The following SPTBN1 variants were observed in gnomAD, a reference collection of about 807,000 sequenced individuals.
The protein encoded by SPTBN1 is spectrin beta, non-erythrocytic 1.
SPTBN1 carries 32 observed loss-of-function variants against 266.4 expected under a neutral mutation model. That is an observed-to-expected ratio of 0.12 (90% CI 0.09 to 0.16). The LOEUF (loss-of-function observed/expected upper bound fraction) is 0.16, where lower values mean the gene tolerates loss of function less well. SPTBN1 is among the 10% of genes least tolerant of loss of function. The probability of loss-of-function intolerance (pLI) is 1.00; values close to 1 mark genes in which losing one functional copy is unlikely to be tolerated. For synonymous variants in SPTBN1, 1,336 were observed against 1,162.2 expected (o/e 1.15, Z -3.04); for missense variants, 2,296 against 3,067.1 (o/e 0.75, Z 5.94).
rs1413179448 is a variant in SPTBN1, at chr2:54,558,504, C to G, written c.148+31938C>G. ...ACCTGCGCCTCCTCTCTGCTTCTCC[C>G]TCCTCCTCAGTAATTTATTTCGAGC... is the stretch of plus-strand genomic sequence containing the variant. On this transcript the variant is annotated intron_variant, in intron 2 of 35. Coordinates refer to ENST00000356805, the MANE Select transcript of SPTBN1 (RefSeq NM_003128.3). The surrounding 1 kb of genome is among the most constrained non-coding windows in gnomAD (Gnocchi z 4.6). The G allele has an allele frequency of 2.5e-6, 3 of 1,201,932 alleles. No homozygotes were observed. The highest frequency in any genetic ancestry group is 1.6e-5 in the African/African-American group (1 of 63,238). 74.5% of individuals were successfully genotyped at this position (1,201,932 alleles called of 1,614,324 possible). A position where few individuals can be genotyped will look rare whatever the true frequency, so the allele number is the denominator to read the frequency against.
At chr2:54,585,052 C>T (rs143045483) in intron 2 of SPTBN1, among the ~76,000 whole-genome samples, 307 of 152,324 alleles carry the variant, frequency 2.0e-3, no homozygotes, top group African/African-American at 7.2e-3. Flanking sequence ...AAGAGGTTTA[C>T]ATTTCCAAAA....
At position 54,665,957 on chromosome 2, in the gene SPTBN1, G is replaced by C. The variant is rs1236224652; in HGVS notation, c.6702G>C (p.Met2234Ile). 6.2e-7 allele frequency: 1 copy of C among 1,613,968 alleles called. No individual in the cohort carries two copies. Among genetic ancestry groups the C allele is most frequent in the East Asian group, 2.2e-5 (1 of 44,878 alleles). ...NVYCVINNQEMGFYKDAKTAA... is the reference protein window; with the variant it reads ...NVYCVINNQEIGFYKDAKTAA... ...ATTGTGTCATAAATAACCAAGAAATGGGTTTCTACAAAGATGCAAAGACTG... is the reference window on the plus strand; with the variant it reads ...ATTGTGTCATAAATAACCAAGAAATCGGTTTCTACAAAGATGCAAAGACTG... The change falls in exon 34 of 36, where the codon ATG (methionine) becomes ATC (isoleucine). Residue 2234 changes from methionine (M) to isoleucine (I), a missense_variant. Coordinates refer to ENST00000356805, the MANE Select transcript of SPTBN1 (RefSeq NM_003128.3).
At chr2:54,660,747 G>T in intron 32 of SPTBN1, 1 of 985,390 alleles carries the variant, frequency 1.0e-6, no homozygotes, top group South Asian at 4.7e-5. Flanking sequence ...ATTGAAAACT[G>T]TAGGCTTCCT....
intron 26 of SPTBN1, among the ~76,000 whole-genome samples, chr2:54,650,456 A>C (rs768845580): frequency 6.6e-6 from 1 of 152,034 alleles, no homozygotes; most frequent in African/African-American, 2.4e-5. Context: ...ATGTTTGACA[A>C]AGTAGTAACA....
intron 2 of SPTBN1, among the ~76,000 whole-genome samples, chr2:54,598,742 T>A (rs1482976730): frequency 6.6e-6 from 1 of 152,208 alleles, no homozygotes; most frequent in Non-Finnish European, 1.5e-5. Context: ...TCCTGCTGCC[T>A]CTTCAGCAGG....
At chr2:54,583,904 C>G (rs1675112314) in intron 2 of SPTBN1, among the ~76,000 whole-genome samples, 1 of 152,106 alleles carries the variant, frequency 6.6e-6, no homozygotes, top group Non-Finnish European at 1.5e-5. Flanking sequence ...CATATTTTCC[C>G]CTTTAATGGG....
intron 3 of SPTBN1, among the ~76,000 whole-genome samples, chr2:54,601,703 A>G (rs1676511573): frequency 6.6e-6 from 1 of 152,266 alleles, no homozygotes; most frequent in South Asian, 2.1e-4. Flanking sequence ...GCACTTAACC[A>G]CCAGCTTGGC....
At chr2:54,500,112 T>C (rs1669172275) in intron 1 of SPTBN1, among the ~76,000 whole-genome samples, 1 of 152,260 alleles carries the variant, frequency 6.6e-6, no homozygotes, top group Non-Finnish European at 1.5e-5. Context: ...AACAAATGTT[T>C]TAGGCGGTTT....
chr2:54,624,843 C>G lies in SPTBN1; in HGVS notation c.1222C>G (p.Leu408Val). The part of the protein sequence containing the change: ...RLEKAEHERE[L>V]ALRNELIRQE... ...GGAAAAAGCGGAACACGAAAGAGAA[C>G]TGGCTTTGCGGAATGAGCTCATAAG... Residue 408 changes from leucine to valine, a missense_variant, in exon 11 of 36, where the codon CTG becomes GTG. Transcript: ENST00000356805. 6.2e-7 allele frequency: 1 copy of G among 1,614,162 alleles called. No homozygotes were observed. Among genetic ancestry groups the G allele is most frequent in the Non-Finnish European group, 8.5e-7 (1 of 1,180,030 alleles).
Position 54,664,113 on chromosome 2 carries a change from A to G in SPTBN1, c.6421-340A>G. The G allele has an allele frequency of 5.3e-6, 1 of 190,296 alleles. No individual in the cohort carries two copies. The highest frequency in any genetic ancestry group is 1.1e-5 in the Non-Finnish European group (1 of 93,244). The allele number at this position is 190,296 out of a possible 1,614,324, so 11.8% of individuals were successfully genotyped here. ...CTGTATAACGTCCACTCTCTTTCAT[A>G]TTTAATATGTGTGATTGTTACTGTT... On this transcript the variant is annotated intron_variant, in intron 32 of 35. Coordinates refer to ENST00000356805, the MANE Select transcript of SPTBN1 (RefSeq NM_003128.3). The surrounding 1 kb of genome is among the most constrained non-coding windows in gnomAD (Gnocchi z 5.6).
chr2:54,566,271 G>A (rs892551755), intron 2 of SPTBN1, among the ~76,000 whole-genome samples: 3 of 145,770 alleles, frequency 2.1e-5, no homozygotes, highest in Admixed American at 7.1e-5. Context: ...TCACCGCAAC[G>A]TCCGCCTCCG....
At chr2:54,604,932 G>C (rs1397805780) in intron 3 of SPTBN1, among the ~76,000 whole-genome samples, 1 of 152,142 alleles carries the variant, frequency 6.6e-6, no homozygotes, top group Non-Finnish European at 1.5e-5. Context: ...GTCTGGTATC[G>C]ACCCTTGGCC....
At chr2:54,586,992 C>T (rs1174821785) in intron 2 of SPTBN1, among the ~76,000 whole-genome samples, 6 of 152,236 alleles carry the variant, frequency 3.9e-5, no homozygotes, top group Admixed American at 6.5e-5. Flanking sequence ...ATTCCGGAAA[C>T]CTGGAGTAGA....
intron 1 of SPTBN1, among the ~76,000 whole-genome samples, chr2:54,494,571 T>C (rs961969828): frequency 3.9e-5 from 6 of 152,194 alleles, no homozygotes; most frequent in African/African-American, 7.2e-5. Context: ...AAACAAACTA[T>C]TGGTATATGT....
chr2:54,498,985 G>GC (rs1669115994), intron 1 of SPTBN1, among the ~76,000 whole-genome samples: 1 of 151,874 alleles, frequency 6.6e-6, no homozygotes, highest in South Asian at 2.1e-4. Context: ...AGGAGACTTT[G>GC]CATTTGCTCC....
chr2:54,579,715 G>T (rs572463818), intron 2 of SPTBN1, among the ~76,000 whole-genome samples: 3 of 152,228 alleles, frequency 2.0e-5, no homozygotes. Flanking sequence ...TAGGTAAAAT[G>T]TAAGTCTTAG....
In SPTBN1 at chr2:54,649,601, C is replaced by A; in HGVS notation, c.5203-14C>A. On this transcript the variant is annotated splice_polypyrimidine_tract_variant and intron_variant, in intron 25 of 35. Coordinates refer to ENST00000356805, the MANE Select transcript of SPTBN1 (RefSeq NM_003128.3). This position sits in a 1 kb window ranked among gnomAD's most constrained non-coding sequence, Gnocchi z 6.7. ...CAGTGGGCTCTCTGATTTCCTTACC[C>A]ATCCCCGTTTCAGATGTTACAAGAA... 1.2e-6 allele frequency: 2 copies of A among 1,602,022 alleles called. No homozygotes were observed. The highest frequency in any genetic ancestry group is 4.5e-5 in the East Asian group (2 of 44,506).
intron 3 of SPTBN1, 97 bp downstream of exon 3, chr2:54,599,340 G>T: frequency 1.4e-6 from 2 of 1,429,994 alleles, no homozygotes; most frequent in South Asian, 1.3e-5. Flanking sequence ...TGCACTTAAT[G>T]GTTGATAGTT....
At chr2:54,509,367 A>G (rs1669736320) in intron 1 of SPTBN1, among the ~76,000 whole-genome samples, 2 of 152,148 alleles carry the variant, frequency 1.3e-5, no homozygotes, top group African/African-American at 4.8e-5. Flanking sequence ...GGAGCCGGGG[A>G]GCAGAAAGTA....
Sources: allele counts gnomAD v4.1 joint callset (sites outside exome capture counted in the v4.1 genomes callset), GRCh38; gene constraint gnomAD v4.1.1; non-coding constraint Gnocchi (gnomAD v3.1); transcripts MANE v1.5; gene names NCBI Gene and HGNC (gene_info 2026-07-23, HGNC 2026-07-21).